The following USP6NL variants were observed in gnomAD, a reference collection of about 807,000 sequenced individuals.
The protein encoded by USP6NL is USP6 N-terminal-like protein.
USP6NL carries 26 observed loss-of-function variants against 61.9 expected under a neutral mutation model. That is an observed-to-expected ratio of 0.42 (90% confidence interval 0.31 to 0.58). The LOEUF (loss-of-function observed/expected upper bound fraction) is 0.58, where lower values mean the gene tolerates loss of function less well. USP6NL is among the 20% of genes least tolerant of loss of function. USP6NL has a pLI of 0.16. For missense variants in USP6NL, 1,114 were observed against 1,034.3 expected (o/e 1.08, Z -1.06); for synonymous variants, 432 against 390.1 (o/e 1.11, Z -1.27).
In USP6NL at chr10:11,595,471, T is replaced by C. The variant is rs1838295796; in HGVS notation, c.4+2160A>G. 6.6e-6 allele frequency among the ~76,000 whole-genome samples: 1 copy of C among 152,148 alleles called. No individual in the cohort carries two copies. Among genetic ancestry groups the C allele is most frequent in the East Asian group, 1.9e-4 (1 of 5,196 alleles). ...TACTAACTGTGCTGAGGCTACAGCT[T>C]ATAAGAGGTTGCTGACCTAATGCCA... On this transcript the variant is annotated intron_variant, in intron 2 of 14. Coordinates refer to ENST00000609104, the MANE Select transcript of USP6NL (RefSeq NM_014688.5). This position sits in a 1 kb window ranked among gnomAD's most constrained non-coding sequence, Gnocchi z 5.3.
chr10:11,486,360 C>A (rs188870299), intron 10 of USP6NL, among the ~76,000 whole-genome samples: 7 of 151,982 alleles, frequency 4.6e-5, no homozygotes, highest in African/African-American at 1.4e-4. Flanking sequence ...ATAAAGTTCC[C>A]AAAGTTTTAA....
chr10:11,577,724 C>T (rs1047904392), intron 2 of USP6NL, among the ~76,000 whole-genome samples: 1 of 151,742 alleles, frequency 6.6e-6, no homozygotes. Flanking sequence ...TGGTCTCGAA[C>T]TCCTGACCTC....
rs1399905973 is a variant in USP6NL, at chr10:11,528,107, A to G, written c.5-540T>C. ...CTAGGACTCCAGTTTTATCATACAT[A>G]TGTGTGTGGACACACACACAGACAC... On this transcript the variant is annotated intron_variant, in intron 2 of 14. Coordinates refer to ENST00000609104, the MANE Select transcript of USP6NL (RefSeq NM_014688.5). This position sits in a 1 kb window ranked among gnomAD's most constrained non-coding sequence, Gnocchi z 4.6. 6.7e-6 allele frequency among the ~76,000 whole-genome samples: 1 copy of G among 150,358 alleles called. No homozygotes were observed. Among genetic ancestry groups the G allele is most frequent in the East Asian group, 2.0e-4 (1 of 5,120 alleles).
At position 11,485,071 on chromosome 10, in the gene USP6NL, C is replaced by CTACAA; in HGVS notation, c.826-6_826-2dup. On this transcript the variant is annotated splice_acceptor_variant, in intron 12 of 14. Transcript: ENST00000609104. LOFTEE classifies it high-confidence loss of function. The surrounding 1 kb of genome is among the most constrained non-coding windows in gnomAD (Gnocchi z 4.8). ...TTCTGAGGTTTAGTGTAAAGGGAGT[C>CTACAA]TACAATTAAAAGCAAAACAAAACAA... 1.9e-6 allele frequency: 3 copies of CTACAA among 1,541,022 alleles called. No individual in the cohort carries two copies. Among genetic ancestry groups the CTACAA allele is most frequent in the Non-Finnish European group, 2.6e-6 (3 of 1,144,494 alleles).
rs567123651 is a variant in USP6NL, at chr10:11,474,386, G to T, written c.1078+7384C>A. Among the ~76,000 whole-genome samples the T allele has an allele frequency of 6.6e-6, 1 of 152,202 alleles. No homozygotes were observed. Among genetic ancestry groups the T allele is most frequent in the East Asian group, 1.9e-4 (1 of 5,192 alleles). Reference sequence around the variant, plus strand: ...TCTTAAGGTTGAATTAATTAGATTTGTAAGTTTTTTAGAACTAGGACACAT... The same window carrying T: ...TCTTAAGGTTGAATTAATTAGATTTTTAAGTTTTTTAGAACTAGGACACAT... On this transcript the variant is annotated intron_variant, in intron 14 of 14. Coordinates refer to ENST00000609104, the MANE Select transcript of USP6NL (RefSeq NM_014688.5). This position sits in a 1 kb window ranked among gnomAD's most constrained non-coding sequence, Gnocchi z 4.9.
intron 2 of USP6NL, among the ~76,000 whole-genome samples, chr10:11,569,250 A>T (rs1355587783): frequency 6.6e-6 from 1 of 152,208 alleles, no homozygotes; most frequent in Non-Finnish European, 1.5e-5. Context: ...AAATATCTAC[A>T]AAATATCTGA....
At chr10:11,550,624 C>T (rs1301715570) in intron 2 of USP6NL, among the ~76,000 whole-genome samples, 1 of 151,962 alleles carries the variant, frequency 6.6e-6, no homozygotes, top group Admixed American at 6.6e-5. Flanking sequence ...GGCGTGGTGG[C>T]ACACACCTGT....
chr10:11,519,219 C>G (rs1439179471), intron 4 of USP6NL, among the ~76,000 whole-genome samples: 1 of 152,202 alleles, frequency 6.6e-6, no homozygotes, highest in Non-Finnish European at 1.5e-5. Flanking sequence ...AGACCACCAC[C>G]TCCACTCTTG....
intron 5 of USP6NL, among the ~76,000 whole-genome samples, chr10:11,517,655 G>T (rs1835013488): frequency 6.6e-6 from 1 of 152,136 alleles, no homozygotes. Flanking sequence ...TGCCTATAGG[G>T]TTCTCTATAT....
At chr10:11,603,692 C>T (rs536741980) in intron 1 of USP6NL, among the ~76,000 whole-genome samples, 5 of 152,288 alleles carry the variant, frequency 3.3e-5, no homozygotes, top group South Asian at 2.1e-4. Context: ...CTCCACAACA[C>T]GCAAAAACTG....
In USP6NL at chr10:11,461,086, A is replaced by G. The variant is rs552216429; in HGVS notation, c.*1355T>C. On this transcript the variant is annotated 3_prime_UTR_variant, in exon 15 of 15. Transcript: ENST00000609104. ...CACCTTGCAACAGGAAGAAACATCA[A>G]TGTCGGGTTTTCTACTATTCAAATA... The G allele has an allele frequency of 6.6e-5, 10 of 152,574 alleles. No homozygotes were observed. The South Asian group carries it at 1.7e-3, about 25-fold the overall frequency. The allele number at this position is 152,574 out of a possible 1,614,324, so 9.5% of individuals were successfully genotyped here.
intron 2 of USP6NL, among the ~76,000 whole-genome samples, chr10:11,535,110 T>C (rs1321966004): frequency 6.6e-6 from 1 of 152,220 alleles, no homozygotes; most frequent in Non-Finnish European, 1.5e-5. Context: ...CATCTATAGA[T>C]CTGCCCGGCA....
chr10:11,536,828 T>C (rs530773483), intron 2 of USP6NL, among the ~76,000 whole-genome samples: 2 of 152,346 alleles, frequency 1.3e-5, no homozygotes, highest in African/African-American at 4.8e-5. Context: ...TTTATCTCCA[T>C]CTTGCTCCCC....
rs941321315 is a variant in USP6NL, at chr10:11,490,826, A to G, written c.543+6T>C. On this transcript the variant is annotated splice_donor_region_variant and intron_variant, in intron 9 of 14. Coordinates refer to ENST00000609104, the MANE Select transcript of USP6NL (RefSeq NM_014688.5). This position sits in a 1 kb window ranked among gnomAD's most constrained non-coding sequence, Gnocchi z 4.5. ...AAAGACCTTGGGCAGGCAGGCCCCA[A>G]CTTACCGTGTTATAAATAGAATAGG... 6 of 1,554,436 alleles carry G rather than the reference A, an allele frequency of 3.9e-6. No homozygotes were observed. Among genetic ancestry groups the G allele is most frequent in the African/African-American group, 2.7e-5 (2 of 73,032 alleles).
chr10:11,583,788 G>A (rs558351748), intron 2 of USP6NL, among the ~76,000 whole-genome samples: 22 of 152,320 alleles, frequency 1.4e-4, no homozygotes, highest in African/African-American at 5.1e-4. Context: ...AGTACTTTGG[G>A]AGGCTGAGGC....
rs2133656097 is a variant in USP6NL at position 11,595,017 on chromosome 10, G to C, written c.4+2614C>G. On this transcript the variant is annotated intron_variant, in intron 2 of 14. Coordinates refer to ENST00000609104, the MANE Select transcript of USP6NL (RefSeq NM_014688.5). The surrounding 1 kb of genome is among the most constrained non-coding windows in gnomAD (Gnocchi z 5.3). Reference sequence around the variant, plus strand: ...CAACTGGAGTGCTGTGTGGGTGACAGGCAGTGGCTCTAGGAACTAGCAGAC... The same window carrying C: ...CAACTGGAGTGCTGTGTGGGTGACACGCAGTGGCTCTAGGAACTAGCAGAC... 6.6e-6 allele frequency among the ~76,000 whole-genome samples: 1 copy of C among 152,312 alleles called. No individual in the cohort carries two copies. The highest frequency in any genetic ancestry group is 1.5e-5 in the Non-Finnish European group (1 of 68,024).
Position 11,587,293 on chromosome 10 carries a change from A to C in USP6NL, c.4+10338T>G, listed in dbSNP as rs1416649800. On this transcript the variant is annotated intron_variant, in intron 2 of 14. Coordinates refer to ENST00000609104, the MANE Select transcript of USP6NL (RefSeq NM_014688.5). The surrounding 1 kb of genome is among the most constrained non-coding windows in gnomAD (Gnocchi z 4.5). The stretch of plus-strand genomic sequence containing the variant: ...AAGATTCAAACACCATGACCCCTAA[A>C]ATATTTTAAGAAATTAATTTATAGT... Among the ~76,000 whole-genome samples the C allele has an allele frequency of 6.6e-6, 1 of 152,190 alleles. No individual in the cohort carries two copies. The highest frequency in any genetic ancestry group is 2.4e-5 in the African/African-American group (1 of 41,442).
intron 2 of USP6NL, among the ~76,000 whole-genome samples, chr10:11,542,465 T>C (rs1836105449): frequency 6.6e-6 from 1 of 152,216 alleles, no homozygotes; most frequent in Non-Finnish European, 1.5e-5. Flanking sequence ...ATGCCTGTAA[T>C]CCCAGCACTT....
At chr10:11,569,983 A>G (rs1837300398) in intron 2 of USP6NL, among the ~76,000 whole-genome samples, 1 of 152,046 alleles carries the variant, frequency 6.6e-6, no homozygotes, top group Non-Finnish European at 1.5e-5. Flanking sequence ...TTCCCAACAC[A>G]TTGTGCCCTC....
Sources: gnomAD v4.1 joint callset for allele counts (sites outside exome capture counted in the v4.1 genomes callset) on GRCh38, gnomAD v4.1.1 for gene constraint, Gnocchi (gnomAD v3.1) non-coding constraint, MANE v1.5 for transcripts, NCBI Gene and HGNC (gene_info 2026-07-23, HGNC 2026-07-21) for gene names.